The following MCC variants were observed in gnomAD, a reference collection of about 807,000 sequenced individuals.
The protein encoded by MCC is MCC regulator of Wnt signaling pathway, also known as colorectal mutant cancer protein.
A neutral mutation model predicts 116.2 loss-of-function variants in MCC; 90 were observed. The observed-to-expected ratio is 0.77, with a 90% CI of 0.65 to 0.92. MCC has a LOEUF of 0.92. MCC is among the 40% of genes least tolerant of loss of function. The pLI is 0.00. For missense variants in MCC, 1,516 were observed against 1,312.2 expected (o/e 1.16, Z -2.40); for synonymous variants, 578 against 510.5 (o/e 1.13, Z -1.78).
At chr5:113,417,634 G>A (rs255876) in intron 1 of MCC, among the ~76,000 whole-genome samples, 4,509 of 152,246 alleles carry the variant, frequency 0.03, 97 homozygotes, top group Middle Eastern at 0.051. Context: ...AGGTGTAAGG[G>A]ACAACATTAA....
At position 113,023,303 on chromosome 5, in the gene MCC, AC is replaced by A. The variant is rs1237866198; in HGVS notation, c.*3998del. 3.9e-5 allele frequency: 6 copies of A among 152,234 alleles called. No homozygotes were observed. Among genetic ancestry groups the A allele is most frequent in the Non-Finnish European group, 8.8e-5 (6 of 68,040 alleles). The allele number at this position is 152,234 out of a possible 1,614,324, so 9.4% of individuals were successfully genotyped here. On this transcript the variant is annotated 3_prime_UTR_variant, in exon 19 of 19. Transcript: ENST00000408903. The stretch of plus-strand genomic sequence containing the variant: ...CGTAACTTTTGTTTTGTAACCAGTT[AC>A]GCCTCTTCTGTAAACTCTATAAGAG...
At chr5:113,188,256 T>C (rs1761997713) in intron 3 of MCC, among the ~76,000 whole-genome samples, 1 of 152,206 alleles carries the variant, frequency 6.6e-6, no homozygotes. Context: ...GATTGGATAC[T>C]GTCAAGCTTC....
At chr5:113,286,510 A>C (rs926257943) in intron 3 of MCC, among the ~76,000 whole-genome samples, 3 of 152,166 alleles carry the variant, frequency 2.0e-5, no homozygotes, top group Non-Finnish European at 4.4e-5. Context: ...TTTAAGATGC[A>C]TTTCCACCTC....
intron 3 of MCC, among the ~76,000 whole-genome samples, chr5:113,336,326 G>T (rs1228389593): frequency 6.6e-6 from 1 of 151,716 alleles, no homozygotes; most frequent in African/African-American, 2.4e-5. Context: ...CTAATCTGCT[G>T]CTTAACTACT....
intron 8 of MCC, among the ~76,000 whole-genome samples, chr5:113,092,066 C>G (rs1403052511): frequency 6.6e-6 from 1 of 152,172 alleles, no homozygotes; most frequent in Non-Finnish European, 1.5e-5. Flanking sequence ...ACTAAAAAAC[C>G]TATCACCTTA....
chr5:113,246,672 T>G (rs1490256507), intron 3 of MCC, among the ~76,000 whole-genome samples: 1 of 152,242 alleles, frequency 6.6e-6, no homozygotes, highest in Non-Finnish European at 1.5e-5. Flanking sequence ...TCTTGAAAAC[T>G]GTCTCATCAC....
At chr5:113,218,267 C>A (rs1375819340) in intron 3 of MCC, among the ~76,000 whole-genome samples, 3 of 152,076 alleles carry the variant, frequency 2.0e-5, no homozygotes, top group Non-Finnish European at 2.9e-5. Context: ...CATGCCCTGG[C>A]CTTCAATAGT....
At chr5:113,408,532 C>T (rs1019941509) in intron 1 of MCC, among the ~76,000 whole-genome samples, 1 of 152,146 alleles carries the variant, frequency 6.6e-6, no homozygotes, top group African/African-American at 2.4e-5. Context: ...GAAACAAATG[C>T]TCCACAGAAT....
intron 6 of MCC, among the ~76,000 whole-genome samples, chr5:113,115,230 A>G (rs1323659891): frequency 6.6e-6 from 1 of 152,182 alleles, no homozygotes; most frequent in East Asian, 1.9e-4. Flanking sequence ...CTGCAGCCTG[A>G]GTAAGCGAGG....
intron 2 of MCC, among the ~76,000 whole-genome samples, chr5:113,344,212 G>A (rs543333667): frequency 3.3e-4 from 51 of 152,294 alleles, no homozygotes; most frequent in African/African-American, 1.2e-3. Context: ...CTCAGTCATT[G>A]CCCACCCATG....
chr5:113,161,951 C>G (rs1414854918), intron 3 of MCC, among the ~76,000 whole-genome samples: 6 of 152,216 alleles, frequency 3.9e-5, no homozygotes, highest in Non-Finnish European at 8.8e-5. Context: ...CCTGGCTTGT[C>G]TTGCCTCACC....
intron 3 of MCC, among the ~76,000 whole-genome samples, chr5:113,295,570 T>C (rs10040770): frequency 0.021 from 3,140 of 152,104 alleles, 34 homozygotes; most frequent in Middle Eastern, 0.027. Flanking sequence ...CCTTCCTTAA[T>C]TGAGCGGAGG....
intron 3 of MCC, among the ~76,000 whole-genome samples, chr5:113,288,253 G>A (rs1423799290): frequency 1.3e-5 from 2 of 152,222 alleles, no homozygotes; most frequent in African/African-American, 4.8e-5. Flanking sequence ...CAGTGATTTG[G>A]CCAACTGTAG....
At chr5:113,218,244 G>A (rs966657495) in intron 3 of MCC, among the ~76,000 whole-genome samples, 1 of 152,156 alleles carries the variant, frequency 6.6e-6, no homozygotes, top group African/African-American at 2.4e-5. Flanking sequence ...AATGTGTGCT[G>A]GGTAGGAGCT....
chr5:113,210,203 T>C (rs576077082), intron 3 of MCC, among the ~76,000 whole-genome samples: 1 of 125,896 alleles, frequency 7.9e-6, no homozygotes, highest in Admixed American at 8.0e-5. Context: ...CAGTACAACT[T>C]TTCCCCTCCC....
chr5:113,293,842 C>T (rs1766604961), intron 3 of MCC, among the ~76,000 whole-genome samples: 1 of 152,122 alleles, frequency 6.6e-6, no homozygotes, highest in African/African-American at 2.4e-5. Context: ...GAAGAGACCA[C>T]CTTGCCTGAA....
chr5:113,171,016 A>G (rs1388809977), intron 3 of MCC, among the ~76,000 whole-genome samples: 1 of 151,970 alleles, frequency 6.6e-6, no homozygotes, highest in Non-Finnish European at 1.5e-5. Flanking sequence ...GCTCTCCTGA[A>G]CCATTTCTGT....
intron 3 of MCC, among the ~76,000 whole-genome samples, chr5:113,164,600 C>G (rs187910356): frequency 6.6e-6 from 1 of 152,314 alleles, no homozygotes; most frequent in African/African-American, 2.4e-5. Context: ...TCATAGAATT[C>G]TCACAGTAAA....
intron 2 of MCC, among the ~76,000 whole-genome samples, chr5:113,367,462 T>C (rs1159899038): frequency 6.6e-6 from 1 of 152,048 alleles, no homozygotes; most frequent in Admixed American, 6.6e-5. Context: ...CTTGCTCCAA[T>C]GTCCATTATG....
Sources: allele counts gnomAD v4.1 joint callset (sites outside exome capture counted in the v4.1 genomes callset), GRCh38; gene constraint gnomAD v4.1.1; transcripts MANE v1.5; gene names NCBI Gene and HGNC (gene_info 2026-07-23, HGNC 2026-07-21).